DCTN4: variants seen among roughly 807,000 people sequenced by gnomAD.
The protein encoded by DCTN4 is dynactin subunit 4, also known as dynactin 4 (p62).
Under a neutral mutation model 62.7 loss-of-function variants are expected in DCTN4, and 23 were observed. The ratio of observed to expected loss-of-function variants is 0.37; its 90% CI spans 0.26 to 0.52. The LOEUF (loss-of-function observed/expected upper bound fraction) is 0.52. Ranked by LOEUF, DCTN4 falls within the 20% of genes least tolerant of loss-of-function variation. DCTN4 has a pLI of 0.92. For synonymous variants in DCTN4, 199 were observed against 202.1 expected (o/e 0.98, Z 0.13); for missense variants, 514 against 580.4 (o/e 0.89, Z 1.18).
chr5:150,718,565 A>C (rs984527853), intron 10 of DCTN4, among the ~76,000 whole-genome samples, 182 bp from the exon 11 acceptor site: 3 of 152,186 alleles, frequency 2.0e-5, no homozygotes, highest in Non-Finnish European at 2.9e-5. Flanking sequence ...TGTTAGACCA[A>C]ATACTCTCTG....
intron 8 of DCTN4, among the ~76,000 whole-genome samples, chr5:150,725,137 AAC>A (rs1461211454): frequency 6.7e-6 from 1 of 149,378 alleles, no homozygotes; most frequent in African/African-American, 2.5e-5. Context: ...CAGCATGAGC[AAC>A]AGAGTGAGAC....
At chr5:150,714,230 G>T (rs1759675971) in intron 12 of DCTN4, among the ~76,000 whole-genome samples, 1 of 152,162 alleles carries the variant, frequency 6.6e-6, no homozygotes, top group South Asian at 2.1e-4. Context: ...TGCTTGGACT[G>T]TATCTGCTGG....
intron 9 of DCTN4, among the ~76,000 whole-genome samples, chr5:150,721,731 C>T (rs1042493435): frequency 2.0e-5 from 3 of 152,178 alleles, no homozygotes; most frequent in Non-Finnish European, 4.4e-5. Context: ...ATTCTCTATG[C>T]CTGGGATATT....
chr5:150,718,094 C>T (rs1055232747), intron 11 of DCTN4, among the ~76,000 whole-genome samples, 182 bp downstream of exon 11: 2 of 152,074 alleles, frequency 1.3e-5, no homozygotes, highest in Non-Finnish European at 2.9e-5. Flanking sequence ...AGGTAAGAAA[C>T]GATGAGACCT....
intron 9 of DCTN4, among the ~76,000 whole-genome samples, chr5:150,721,080 A>G (rs779997559): frequency 3.9e-5 from 6 of 152,222 alleles, no homozygotes; most frequent in Non-Finnish European, 5.9e-5. Context: ...AGAGGAATAC[A>G]TTATTCCCAT....
At chr5:150,731,691 G>A (rs1342453618) in intron 5 of DCTN4, 1 of 640,494 alleles carries the variant, frequency 1.6e-6, no homozygotes, top group Non-Finnish European at 2.7e-6. Context: ...CACTAAACAT[G>A]GAGATTGAAA....
intron 2 of DCTN4, among the ~76,000 whole-genome samples, chr5:150,755,926 A>G (rs1752843317): frequency 6.6e-6 from 1 of 152,194 alleles, no homozygotes; most frequent in Non-Finnish European, 1.5e-5. Context: ...TCTGAAGTAC[A>G]AAACTGTTCT....
intron 8 of DCTN4, among the ~76,000 whole-genome samples, chr5:150,727,298 T>C (rs1247184545): frequency 6.6e-6 from 1 of 152,212 alleles, no homozygotes; most frequent in Admixed American, 6.5e-5. Context: ...AAAAGGTGAT[T>C]AGCTCTTGCC....
chr5:150,731,110 G>C lies in DCTN4; in HGVS notation c.658C>G (p.Gln220Glu). The change falls in exon 7 of 13, where the codon CAG (glutamine) becomes GAG (glutamate). Residue 220 changes from glutamine (Q) to glutamate (E), a missense_variant. By Grantham distance (29) the Gln-to-Glu change is conservative. Coordinates refer to ENST00000447998, the MANE Select transcript of DCTN4 (RefSeq NM_016221.4). Reference protein sequence around the residue: ...DQKEIKIEPAQAVDEVEPLPE... With the variant: ...DQKEIKIEPAEAVDEVEPLPE... ...AGAGGTTCCACTTCATCCACAGCCTGAGCTGGCTCAATCTTTATCTCTTTC... is the reference window on the plus strand; with the variant it reads ...AGAGGTTCCACTTCATCCACAGCCTCAGCTGGCTCAATCTTTATCTCTTTC... 6.2e-7 allele frequency: 1 copy of C among 1,613,370 alleles called. No homozygotes were observed. The highest frequency in any genetic ancestry group is 8.5e-7 in the Non-Finnish European group (1 of 1,179,354).
chr5:150,721,796 CA>C (rs1432555095), intron 9 of DCTN4, among the ~76,000 whole-genome samples: 1 of 152,116 alleles, frequency 6.6e-6, no homozygotes. Flanking sequence ...CTATTTGTCT[CA>C]GGACTTTGTT....
chr5:150,715,130 G>A (rs1260948817), intron 12 of DCTN4, among the ~76,000 whole-genome samples: 1 of 143,872 alleles, frequency 7.0e-6, no homozygotes, highest in East Asian at 2.2e-4. Flanking sequence ...TATTAGATAT[G>A]AGAGAGTAAA....
At chr5:150,727,711 G>C (rs1760200748) in intron 8 of DCTN4, among the ~76,000 whole-genome samples, 1 of 143,740 alleles carries the variant, frequency 7.0e-6, no homozygotes, top group African/African-American at 2.5e-5. Flanking sequence ...GGGAGGCGGA[G>C]CTTGCAGTGA....
chr5:150,743,913 A>G (rs1760862518), intron 3 of DCTN4, among the ~76,000 whole-genome samples: 2 of 152,364 alleles, frequency 1.3e-5, no homozygotes, highest in Admixed American at 1.3e-4. Context: ...GCAGCTCCTC[A>G]CCAGCAACGG....
chr5:150,740,944 C>G (rs574576207), intron 4 of DCTN4, among the ~76,000 whole-genome samples: 3 of 152,138 alleles, frequency 2.0e-5, no homozygotes, highest in Non-Finnish European at 2.9e-5. Flanking sequence ...ACATTAGGTA[C>G]AGTGTACACT....
Position 150,722,992 on chromosome 5 carries a change from A to T in DCTN4, c.835-12T>A, listed in dbSNP as rs1760007976. On this transcript the variant is annotated splice_polypyrimidine_tract_variant and intron_variant, in intron 8 of 12. Coordinates refer to ENST00000447998, the MANE Select transcript of DCTN4 (RefSeq NM_016221.4). Reference sequence around the variant, plus strand: ...TTATGTTCACATTTCTAAAAAGAAAACAAATATAACACGTATCAGAAGACA... The same window carrying T: ...TTATGTTCACATTTCTAAAAAGAAATCAAATATAACACGTATCAGAAGACA... The T allele has an allele frequency of 6.4e-7, 1 of 1,574,014 alleles. No individual in the cohort carries two copies. The highest frequency in any genetic ancestry group is 8.7e-7 in the Non-Finnish European group (1 of 1,145,614).
At chr5:150,733,312 A>G in intron 5 of DCTN4, 56 bp downstream of exon 5, 1 of 1,252,700 alleles carries the variant, frequency 8.0e-7, no homozygotes, top group Non-Finnish European at 1.1e-6. Context: ...TTCTGAAATG[A>G]TCACTGTTCT....
chr5:150,718,298 T>C lies in DCTN4; in HGVS notation c.1049A>G (p.Asp350Gly). The change falls in exon 11 of 13, where the codon GAT becomes GGT. Residue 350 changes from aspartate to glycine, a missense_variant. Asp to Gly is a moderately conservative substitution (Grantham distance 94). Transcript: ENST00000447998. ...TLFECEEGDP[D>G]DINSTAKVVV... ...TACCTTAGCAGTGCTGTTGATATCA[T>C]CAGGGTCCCCCTCCTCACACTCGAA... 6 of 1,613,886 alleles carry C rather than the reference T, an allele frequency of 3.7e-6. No homozygotes were observed. The highest frequency in any genetic ancestry group is 5.1e-6 in the Non-Finnish European group (6 of 1,179,826).
At chr5:150,753,287 C>T (rs931597844) in intron 3 of DCTN4, among the ~76,000 whole-genome samples, 192 bp downstream of exon 3, 1 of 152,086 alleles carries the variant, frequency 6.6e-6, no homozygotes, top group Admixed American at 6.5e-5. Context: ...TCTAAGAAAA[C>T]TAAATATTAT....
At chr5:150,751,084 A>G (rs1406399011) in intron 3 of DCTN4, among the ~76,000 whole-genome samples, 1 of 152,162 alleles carries the variant, frequency 6.6e-6, no homozygotes, top group Non-Finnish European at 1.5e-5. Context: ...AAACGTCTGA[A>G]TATTTTATCT....
Sources: gnomAD v4.1 joint callset for allele counts (sites outside exome capture counted in the v4.1 genomes callset) on GRCh38, gnomAD v4.1.1 for gene constraint, MANE v1.5 for transcripts, NCBI Gene and HGNC (gene_info 2026-07-23, HGNC 2026-07-21) for gene names.